ZFAT: variants seen among roughly 807,000 people sequenced by gnomAD.
ZFAT encodes zinc finger protein ZFAT.
A neutral mutation model predicts 117.7 loss-of-function variants in ZFAT; 64 were observed. The observed-to-expected ratio is 0.54, with a 90% CI of 0.44 to 0.67. The LOEUF (loss-of-function observed/expected upper bound fraction) is 0.67. ZFAT is among the 30% of genes least tolerant of loss of function. ZFAT has a pLI of 0.00. For missense variants in ZFAT, 1,433 were observed against 1,584.5 expected, an observed-to-expected ratio of 0.90 and a Z score of 1.62; for synonymous variants, 679 against 615.0, an observed-to-expected ratio of 1.10 and a Z score of -1.54.
intron 15 of ZFAT, among the ~76,000 whole-genome samples, chr8:134,504,043 G>A (rs984451687): frequency 6.6e-6 from 1 of 152,176 alleles, no homozygotes; most frequent in Middle Eastern, 3.2e-3. Flanking sequence ...AATGGTGGCC[G>A]AGTCACAGAG....
intron 7 of ZFAT, among the ~76,000 whole-genome samples, chr8:134,595,351 T>C (rs1414628649): frequency 2.0e-5 from 3 of 152,286 alleles, no homozygotes; most frequent in South Asian, 4.1e-4. Context: ...TCTTTTTTTT[T>C]TGAGAGACAG....
intron 12 of ZFAT, among the ~76,000 whole-genome samples, chr8:134,524,190 C>T (rs1176159194): frequency 6.6e-6 from 1 of 152,160 alleles, no homozygotes; most frequent in African/African-American, 2.4e-5. Flanking sequence ...GTCCCCTCAC[C>T]AAATAAGTGT....
upstream of ZFAT, among the ~76,000 whole-genome samples, chr8:134,715,284 G>A (rs547237277): frequency 1.4e-3 from 213 of 152,354 alleles, 1 homozygote; most frequent in Non-Finnish European, 2.2e-3. Flanking sequence ...ATTGTGGACT[G>A]TGGATGATGG....
chr8:134,706,879 A>C (rs74487854), intron 1 of ZFAT, among the ~76,000 whole-genome samples: 6 of 136,636 alleles, frequency 4.4e-5, no homozygotes, highest in African/African-American at 1.7e-4. Context: ...ATAGTACGCC[A>C]AAAAAAAAAA....
At chr8:134,617,274 A>G (rs1398207124) in intron 3 of ZFAT, among the ~76,000 whole-genome samples, 1 of 152,184 alleles carries the variant, frequency 6.6e-6, no homozygotes, top group Admixed American at 6.5e-5. Flanking sequence ...CAGTCACTCA[A>G]GAAAACCCCT....
chr8:134,637,648 T>C lies in ZFAT; in HGVS notation c.261A>G (p.Glu87=). 6.2e-7 allele frequency: 1 copy of C among 1,614,190 alleles called. No individual in the cohort carries two copies. Among genetic ancestry groups the C allele is most frequent in the Non-Finnish European group, 8.5e-7 (1 of 1,180,042 alleles). The change falls in exon 3 of 16, where the codon GAA becomes GAG. Residue 87 remains glutamate, a synonymous_variant. Coordinates refer to ENST00000377838, the MANE Select transcript of ZFAT (RefSeq NM_020863.4). ...PKGSTKKSST[E]EELAENIVSP... ...TCACGATGTTTTCTGCCAGCTCCTC[T>C]TCTGTGCTGGACTTCTTCGTGGACC... is the stretch of plus-strand genomic sequence containing the variant.
At chr8:134,774,199 G>A in the ZFAT span, among the ~76,000 whole-genome samples, 1 of 151,958 alleles carries the variant, frequency 6.6e-6, no homozygotes, top group East Asian at 1.9e-4. Flanking sequence ...GTTTCACCAT[G>A]TTGGTAAGGC....
chr8:134,811,658 G>A, the ZFAT span, among the ~76,000 whole-genome samples: 9 of 152,258 alleles, frequency 5.9e-5, no homozygotes, highest in African/African-American at 1.9e-4. Flanking sequence ...TTCTATTAAT[G>A]TTTTGAACTC....
chr8:134,486,895 C>T (rs113932408), intron 15 of ZFAT, among the ~76,000 whole-genome samples: 6 of 152,092 alleles, frequency 3.9e-5, no homozygotes, highest in Non-Finnish European at 8.8e-5. Context: ...GCTATGTACA[C>T]GTGCATGCCT....
At chr8:134,682,877 A>C (rs1833138360) in intron 1 of ZFAT, among the ~76,000 whole-genome samples, 1 of 152,068 alleles carries the variant, frequency 6.6e-6, no homozygotes, top group Non-Finnish European at 1.5e-5. Context: ...GCAGCACAAC[A>C]ACCCTACTTT....
At chr8:134,731,119 G>C in the ZFAT span, among the ~76,000 whole-genome samples, 1 of 152,214 alleles carries the variant, frequency 6.6e-6, no homozygotes, top group Non-Finnish European at 1.5e-5. Context: ...AGGATATGGA[G>C]CAAGGGGAAC....
intron 12 of ZFAT, among the ~76,000 whole-genome samples, chr8:134,522,092 G>A (rs1254434725): frequency 9.9e-5 from 15 of 152,224 alleles, no homozygotes; most frequent in African/African-American, 4.8e-5. Context: ...GCCAGAGAGC[G>A]TGTTCTTTCC....
chr8:134,675,905 G>A (rs1477187689), intron 1 of ZFAT, among the ~76,000 whole-genome samples: 1 of 152,026 alleles, frequency 6.6e-6, no homozygotes, highest in Admixed American at 6.6e-5. Context: ...AGAGATTTTT[G>A]TCACCACCAG....
rs955841094 is a variant in ZFAT, at chr8:134,593,082, G to A, written c.2476-2727C>T. Among the ~76,000 whole-genome samples, 3 of 152,072 alleles carry A rather than the reference G, an allele frequency of 2.0e-5. No homozygotes were observed. The East Asian group carries it at 5.8e-4, about 30-fold the overall frequency. On this transcript the variant is annotated intron_variant, in intron 7 of 15. Transcript: ENST00000377838. ...TCCTCCTCTGCCCTTGGCCTTGGGC[G>A]AGATGCCCCGGGTCAGGCGGGCATC...
At chr8:134,681,772 G>GA (rs1455077462) in intron 1 of ZFAT, among the ~76,000 whole-genome samples, 1 of 152,070 alleles carries the variant, frequency 6.6e-6, no homozygotes, top group East Asian at 1.9e-4. Context: ...TTGTTTTCTT[G>GA]TTTTTCATTT....
chr8:134,774,627 T>C, the ZFAT span, among the ~76,000 whole-genome samples: 1 of 152,344 alleles, frequency 6.6e-6, no homozygotes, highest in African/African-American at 2.4e-5. Flanking sequence ...CTACAGTATA[T>C]TGTAAATTTA....
intron 15 of ZFAT, among the ~76,000 whole-genome samples, chr8:134,503,499 A>G (rs1431007340): frequency 6.6e-6 from 1 of 152,190 alleles, no homozygotes; most frequent in Non-Finnish European, 1.5e-5. Context: ...TTATATGTCA[A>G]CTTGACTGGG....
the ZFAT span, chr8:134,785,412 T>C: frequency 6.6e-6 from 1 of 152,162 alleles, no homozygotes; most frequent in South Asian, 2.1e-4. Context: ...GTTCCCACTT[T>C]GAGTCACATC....
chr8:134,695,549 G>C (rs1317714037), intron 1 of ZFAT, among the ~76,000 whole-genome samples: 2 of 151,096 alleles, frequency 1.3e-5, no homozygotes, highest in East Asian at 3.9e-4. Context: ...CTCTAACCAA[G>C]GAAGCACCAC....
Sources: allele counts gnomAD v4.1 joint callset (sites outside exome capture counted in the v4.1 genomes callset), GRCh38; gene constraint gnomAD v4.1.1; transcripts MANE v1.5; gene names NCBI Gene and HGNC (gene_info 2026-07-23, HGNC 2026-07-21).